Variants in COL17A1 observed in about 807,000 individuals in gnomAD.
COL17A1 encodes collagen type XVII alpha 1 chain, also known as collagen alpha-1(XVII) chain.
In COL17A1, 181 loss-of-function variants were observed where a neutral mutation model predicts 218.4. The observed-to-expected ratio is 0.83, with a 90% CI of 0.73 to 0.94. The LOEUF (loss-of-function observed/expected upper bound fraction) is 0.94. COL17A1 is among the 40% of genes least tolerant of loss of function. The pLI is 0.00. For synonymous variants in COL17A1, 721 were observed against 731.0 expected (o/e 0.99, Z 0.22); for missense variants, 1,924 against 1,945.9 (o/e 0.99, Z 0.21).
At position 104,051,508 on chromosome 10, in the gene COL17A1, C is replaced by T. The variant is rs148601977; in HGVS notation, c.2011G>A (p.Gly671Ser). ...GGAGGGCCCTGTGGGCCAGGAGAGC[C>T]GCTGGAACCTGAGAAGGAGGACAAG... ...PGSVGPKGSS[G>S]SPGPQGPPGP... The change falls in exon 25 of 56, where the codon GGC becomes AGC. Residue 671 changes from glycine to serine, a missense_variant. Transcript: ENST00000648076. 2.6e-4 allele frequency: 415 copies of T among 1,613,940 alleles called. 1 individual carries two copies. Among genetic ancestry groups the T allele is most frequent in the Non-Finnish European group, 3.3e-4 (385 of 1,180,034 alleles).
chr10:104,059,276 G>T, intron 15 of COL17A1: 1 of 319,480 alleles, frequency 3.1e-6, no homozygotes, highest in East Asian at 7.7e-5. Flanking sequence ...GACAAAGAAC[G>T]CAGATATTTG....
At chr10:104,038,258 ACACACACACACACACACACACACT>A in intron 45 of COL17A1, 124 bp downstream of exon 45, 1 of 849,892 alleles carries the variant, frequency 1.2e-6, no homozygotes, top group African/African-American at 1.7e-5. Flanking sequence ...ACACACACAC[ACACACACACACACACACACACACT>A]CCCACTGCCC....
chr10:104,085,328 G>A (rs2086796816), intron 1 of COL17A1, among the ~76,000 whole-genome samples: 1 of 152,208 alleles, frequency 6.6e-6, no homozygotes, highest in African/African-American at 2.4e-5. Context: ...CCAGTGGAGA[G>A]AGAGACAGAG....
chr10:104,067,115 C>T (rs1014398380), intron 9 of COL17A1, among the ~76,000 whole-genome samples: 3 of 152,094 alleles, frequency 2.0e-5, no homozygotes, highest in African/African-American at 4.8e-5. Context: ...AGCATCCTCT[C>T]GGGCAAGGAG....
Position 104,072,012 on chromosome 10 carries a change from G to A in COL17A1, c.463+20C>T, listed in dbSNP as rs1382815608. ...TGGATTTCTGGACCCTTTCTTTTCA[G>A]CAAGATCATGACCACTTACATCGGG... On this transcript the variant is annotated intron_variant, in intron 8 of 55. Coordinates refer to ENST00000648076, the MANE Select transcript of COL17A1 (RefSeq NM_000494.4). The A allele has an allele frequency of 6.2e-7, 1 of 1,614,004 alleles. No individual in the cohort carries two copies. The highest frequency in any genetic ancestry group is 1.1e-5 in the South Asian group (1 of 91,072).
At chr10:104,042,208 CT>C (rs1356615588) in intron 36 of COL17A1, among the ~76,000 whole-genome samples, 1 of 152,214 alleles carries the variant, frequency 6.6e-6, no homozygotes, top group African/African-American at 2.4e-5. Context: ...AAGTCTGCCC[CT>C]GGTCCTCTTG....
At chr10:104,054,475 C>A (rs1459646324) in intron 20 of COL17A1, among the ~76,000 whole-genome samples, 1 of 152,016 alleles carries the variant, frequency 6.6e-6, no homozygotes, top group Non-Finnish European at 1.5e-5. Context: ...AGGGCTGGGA[C>A]AATGACCCAG....
intron 28 of COL17A1, 43 bp from the exon 29 acceptor site, chr10:104,049,514 G>A (rs1222417187): frequency 2.5e-6 from 4 of 1,596,720 alleles, no homozygotes; most frequent in South Asian, 1.1e-5. Context: ...CTTGCAAGCT[G>A]TGTATGCTTT....
chr10:104,042,318 C>A, intron 36 of COL17A1, 102 bp downstream of exon 36: 1 of 1,307,058 alleles, frequency 7.7e-7, no homozygotes, highest in Non-Finnish European at 1.1e-6. Context: ...TTCCAAAACA[C>A]ACCTTTCACG....
At position 104,036,121 on chromosome 10, in the gene COL17A1, A is replaced by AGT. The variant is rs2086292667; in HGVS notation, c.3418+369_3418+370dup. ...GTGTATGGGAGTGTGTGTGTATGGG[A>AGT]GTGTGTGTATATGTGTGTGTATGGG... On this transcript the variant is annotated intron_variant, in intron 48 of 55. Coordinates refer to ENST00000648076, the MANE Select transcript of COL17A1 (RefSeq NM_000494.4). 5.0e-3 allele frequency among the ~76,000 whole-genome samples: 4 copies of AGT among 802 alleles called. 2 individuals carry two copies. The highest frequency in any genetic ancestry group is 0.25 in the East Asian group (2 of 8). The allele number at this position is 802 out of a possible 152,430, so 0.5% of individuals were successfully genotyped here.
intron 26 of COL17A1, 61 bp downstream of exon 26, chr10:104,050,787 A>T: frequency 1.2e-6 from 2 of 1,613,970 alleles, no homozygotes; most frequent in Non-Finnish European, 1.7e-6. Context: ...GTCAGCCTGC[A>T]TAGGCTGTGG....
chr10:104,041,551 G>T lies in COL17A1; in HGVS notation c.2552-13C>A. 1 of 1,611,398 alleles carries T rather than the reference G, an allele frequency of 6.2e-7. No homozygotes were observed. The highest frequency in any genetic ancestry group is 8.5e-7 in the Non-Finnish European group (1 of 1,177,692). On this transcript the variant is annotated splice_polypyrimidine_tract_variant and intron_variant, in intron 36 of 55. Transcript: ENST00000648076. ...AAATTAAGAACTTCTATAGAGAGAA[G>T]AAAATAGAAATGAGCAAAAGCTGTC...
intron 29 of COL17A1, among the ~76,000 whole-genome samples, chr10:104,048,598 C>T (rs1022263823): frequency 3.3e-5 from 5 of 152,200 alleles, no homozygotes; most frequent in Admixed American, 6.5e-5. Context: ...CCCCCTCCTC[C>T]GTCCTTCCTA....
chr10:104,047,607 C>A, intron 31 of COL17A1, 132 bp downstream of exon 31: 1 of 771,386 alleles, frequency 1.3e-6, no homozygotes, highest in Non-Finnish European at 2.3e-6. Flanking sequence ...CACACACAAC[C>A]ATGCACATAT....
chr10:104,034,530 T>C, intron 51 of COL17A1, 91 bp downstream of exon 51: 1 of 1,547,246 alleles, frequency 6.5e-7, no homozygotes. Flanking sequence ...CGTGTGGCCT[T>C]CCTGTCCCTT....
At chr10:104,038,348 C>T (rs2086323288) in intron 45 of COL17A1, 58 bp downstream of exon 45, 2 of 1,610,482 alleles carry the variant, frequency 1.2e-6, no homozygotes, top group African/African-American at 2.7e-5. Context: ...AGCTCCCTTG[C>T]AAAGAGACTG....
rs566237146 is a variant in COL17A1, at chr10:104,063,907, T to C, written c.767-89A>G. 3.3e-5 allele frequency: 52 copies of C among 1,574,266 alleles called. No homozygotes were observed. In the Admixed American group the frequency reaches 6.9e-4, roughly 21 times the overall value. ...GATACCACAGAAGCACCAGAAGAAATGCCAGGATTGGGTTTTTATATTTTG... is the reference window on the plus strand; with the variant it reads ...GATACCACAGAAGCACCAGAAGAAACGCCAGGATTGGGTTTTTATATTTTG... On this transcript the variant is annotated intron_variant, in intron 10 of 55. Transcript: ENST00000648076.
At chr10:104,041,451 C>G (rs767837087) in intron 37 of COL17A1, 34 bp downstream of exon 37, 1 of 1,610,144 alleles carries the variant, frequency 6.2e-7, no homozygotes, top group Non-Finnish European at 8.5e-7. Context: ...GTCCCCCAAA[C>G]TCCCCACCTT....
intron 16 of COL17A1, 134 bp downstream of exon 16, chr10:104,058,012 T>C: frequency 7.3e-7 from 1 of 1,362,448 alleles, no homozygotes; most frequent in Non-Finnish European, 1.0e-6. Context: ...CTTCTGAGCC[T>C]TTAGGGAAAC....
Sources: allele counts gnomAD v4.1 joint callset (sites outside exome capture counted in the v4.1 genomes callset), GRCh38; gene constraint gnomAD v4.1.1; transcripts MANE v1.5; gene names NCBI Gene and HGNC (gene_info 2026-07-23, HGNC 2026-07-21).